PTPRD: variants seen among roughly 807,000 people sequenced by gnomAD.
The protein encoded by PTPRD is protein tyrosine phosphatase receptor type D.
Under a neutral mutation model 214.5 loss-of-function variants are expected in PTPRD, and 34 were observed. That is an observed-to-expected ratio of 0.16 (90% CI 0.12 to 0.21). PTPRD has a LOEUF of 0.21. PTPRD is among the 10% of genes least tolerant of loss of function. The pLI, the probability that PTPRD is intolerant of heterozygous loss-of-function variation, is 1.00. For missense variants in PTPRD, 2,545 were observed against 2,398.7 expected (o/e 1.06, Z -1.27); for synonymous variants, 1,128 against 845.7 (o/e 1.33, Z -5.79).
chr9:8,327,834 A>T (rs1419880956), intron 44 of PTPRD, among the ~76,000 whole-genome samples: 1 of 152,170 alleles, frequency 6.6e-6, no homozygotes, highest in Non-Finnish European at 1.5e-5. Context: ...CTAGGATTGT[A>T]TCCCCTGCTT....
At chr9:8,706,139 C>G (rs2098202017) in intron 12 of PTPRD, among the ~76,000 whole-genome samples, 2 of 152,068 alleles carry the variant, frequency 1.3e-5, no homozygotes, top group Non-Finnish European at 2.9e-5. Context: ...TTCCACAATT[C>G]TCCTCAAGAG....
chr9:9,485,500 T>A (rs1432353554), intron 8 of PTPRD, among the ~76,000 whole-genome samples: 1 of 152,184 alleles, frequency 6.6e-6, no homozygotes, highest in Non-Finnish European at 1.5e-5. Context: ...GAAGTTCCAG[T>A]TTTTAGTGTA....
At chr9:8,807,346 A>G (rs1439986507) in intron 11 of PTPRD, among the ~76,000 whole-genome samples, 1 of 152,136 alleles carries the variant, frequency 6.6e-6, no homozygotes, top group Non-Finnish European at 1.5e-5. Flanking sequence ...CAACAACAAC[A>G]ACAACAAAGT....
chr9:10,192,395 A>C (rs1415643156), intron 3 of PTPRD, among the ~76,000 whole-genome samples: 2 of 149,410 alleles, frequency 1.3e-5, no homozygotes, highest in Non-Finnish European at 3.0e-5. Context: ...CCAGAACCCA[A>C]ATGAGTATCA....
chr9:9,961,913 T>C (rs1190529298), intron 4 of PTPRD, among the ~76,000 whole-genome samples: 1 of 152,142 alleles, frequency 6.6e-6, no homozygotes, highest in Non-Finnish European at 1.5e-5. Context: ...AGGTTTAAGA[T>C]GATGAATATG....
intron 11 of PTPRD, among the ~76,000 whole-genome samples, chr9:8,917,580 T>C (rs1446916642): frequency 1.3e-5 from 2 of 152,168 alleles, no homozygotes; most frequent in East Asian, 3.9e-4. Context: ...CTTTTTACTT[T>C]TCTCTCCTTT....
chr9:8,436,801 G>A, intron 34 of PTPRD, 112 bp from the exon 35 acceptor site: 1 of 814,206 alleles, frequency 1.2e-6, no homozygotes, highest in South Asian at 1.7e-5. Flanking sequence ...TATGTGAGTA[G>A]TAAAGATGTT....
intron 5 of PTPRD, among the ~76,000 whole-genome samples, chr9:9,936,066 C>A (rs987304709): frequency 6.8e-6 from 1 of 147,622 alleles, no homozygotes; most frequent in Non-Finnish European, 1.5e-5. Context: ...ACACCTTATA[C>A]AAAAATCAAT....
chr9:9,633,710 G>C (rs1357721296), intron 7 of PTPRD, among the ~76,000 whole-genome samples: 1 of 152,040 alleles, frequency 6.6e-6, no homozygotes, highest in Non-Finnish European at 1.5e-5. Context: ...ATAGTTATAG[G>C]GTAAGGCTCA....
intron 3 of PTPRD, among the ~76,000 whole-genome samples, chr9:10,168,547 C>T (rs1241942453): frequency 6.6e-6 from 1 of 152,158 alleles, no homozygotes; most frequent in Non-Finnish European, 1.5e-5. Flanking sequence ...TTCACAAGAA[C>T]AGCATCTTTT....
At chr9:8,831,083 C>A (rs1387629024) in intron 11 of PTPRD, among the ~76,000 whole-genome samples, 2 of 152,150 alleles carry the variant, frequency 1.3e-5, no homozygotes, top group Non-Finnish European at 2.9e-5. Flanking sequence ...TTTGGCATCA[C>A]TGAATCCAGC....
At chr9:8,552,764 T>C (rs973241834) in intron 14 of PTPRD, among the ~76,000 whole-genome samples, 1 of 152,150 alleles carries the variant, frequency 6.6e-6, no homozygotes, top group Non-Finnish European at 1.5e-5. Flanking sequence ...ATAATGACCA[T>C]AAATTTAATT....
At chr9:10,507,624 G>C (rs2046471625) in intron 2 of PTPRD, among the ~76,000 whole-genome samples, 1 of 152,072 alleles carries the variant, frequency 6.6e-6, no homozygotes, top group Non-Finnish European at 1.5e-5. Flanking sequence ...GAACGGAACA[G>C]AGCCCTCAGA....
intron 5 of PTPRD, among the ~76,000 whole-genome samples, chr9:9,921,352 T>C (rs2082484988): frequency 6.6e-6 from 1 of 152,086 alleles, no homozygotes; most frequent in African/African-American, 2.4e-5. Context: ...TGTAAGGTTA[T>C]ATAATATTAA....
chr9:9,186,963 T>A (rs1189509447), intron 9 of PTPRD, among the ~76,000 whole-genome samples: 7 of 151,816 alleles, frequency 4.6e-5, no homozygotes, highest in Admixed American at 2.0e-4. Flanking sequence ...AACTGAAATT[T>A]CCAAATTTTA....
intron 3 of PTPRD, among the ~76,000 whole-genome samples, chr9:10,309,487 G>A (rs532780723): frequency 2.8e-4 from 42 of 150,942 alleles, no homozygotes; most frequent in African/African-American, 9.0e-4. Flanking sequence ...TGAGTAGCTC[G>A]GACTACAGGC....
chr9:10,436,977 G>C (rs1337258343), intron 2 of PTPRD, among the ~76,000 whole-genome samples: 1 of 151,814 alleles, frequency 6.6e-6, no homozygotes, highest in African/African-American at 2.4e-5. Flanking sequence ...CAATGTGTGG[G>C]CTGAGCTTAA....
At chr9:10,216,019 C>T (rs543067739) in intron 3 of PTPRD, among the ~76,000 whole-genome samples, 1 of 151,742 alleles carries the variant, frequency 6.6e-6, no homozygotes, top group Non-Finnish European at 1.5e-5. Context: ...AAAGTGAGAG[C>T]ATAATTAATA....
intron 11 of PTPRD, among the ~76,000 whole-genome samples, chr9:8,927,264 G>A (rs530514185): frequency 1.3e-5 from 2 of 152,086 alleles, no homozygotes; most frequent in East Asian, 3.9e-4. Context: ...GGATACATGT[G>A]CAGAATGTGC....
Sources: allele counts gnomAD v4.1 joint callset (sites outside exome capture counted in the v4.1 genomes callset), GRCh38; gene constraint gnomAD v4.1.1; transcripts MANE v1.5; gene names NCBI Gene and HGNC (gene_info 2026-07-23, HGNC 2026-07-21).